PCDHA1: variants seen among roughly 807,000 people sequenced by gnomAD.
PCDHA1 encodes protocadherin alpha 1.
A neutral mutation model predicts 61.3 loss-of-function variants in PCDHA1; 42 were observed. The ratio of observed to expected loss-of-function variants is 0.69; its 90% CI spans 0.54 to 0.89. The LOEUF (loss-of-function observed/expected upper bound fraction) is 0.89. Among genes scored for constraint, PCDHA1 ranks in the 40% least tolerant of loss-of-function variants. The probability of loss-of-function intolerance (pLI) is 0.00; values close to 1 mark genes in which losing one functional copy is unlikely to be tolerated. For missense variants in PCDHA1, 1,256 were observed against 1,235.3 expected, an observed-to-expected ratio of 1.02 and a Z score of -0.25; for synonymous variants, 610 against 553.8, an observed-to-expected ratio of 1.10 and a Z score of -1.43.
At position 140,856,042 on chromosome 5, in the gene PCDHA1, G is replaced by A. The variant is rs149114226; in HGVS notation, c.2394+67358G>A. On this transcript the variant is annotated intron_variant, in intron 1 of 3. Transcript: ENST00000504120. ...TTCGTCGATTTGTAAAACAAGAGAA[G>A]GATAAGATGGTTTCCAGATGTAGCT... 68 of 1,579,466 alleles carry A rather than the reference G, an allele frequency of 4.3e-5. 8 individuals carry two copies. The Admixed American group carries it at 1.1e-3, about 26-fold the overall frequency.
rs2150184888 is a variant in PCDHA1, at chr5:140,830,320, C to G, written c.2394+41636C>G. 31 of 1,613,872 alleles carry G rather than the reference C, an allele frequency of 1.9e-5. No homozygotes were observed. The African/African-American group carries it at 2.7e-4, about 14-fold the overall frequency. ...ACAAGCCCACGCTGGTGTGCTCCAGCGCAGTGGGGAGCTGGTCGTACTCGC... is the reference window on the plus strand; with the variant it reads ...ACAAGCCCACGCTGGTGTGCTCCAGGGCAGTGGGGAGCTGGTCGTACTCGC... On this transcript the variant is annotated intron_variant, in intron 1 of 3. Transcript: ENST00000504120.
intron 1 of PCDHA1, chr5:140,856,941 C>G: frequency 6.3e-7 from 1 of 1,592,588 alleles, no homozygotes; most frequent in Non-Finnish European, 8.6e-7. Context: ...AACGAAAGGA[C>G]GGGAGAAATA....
At chr5:140,999,114 T>C (rs2097847387) in intron 3 of PCDHA1, among the ~76,000 whole-genome samples, 2 of 152,180 alleles carry the variant, frequency 1.3e-5, no homozygotes, top group Non-Finnish European at 2.9e-5. Context: ...CTAGCAACCA[T>C]TTCTAAGCTG....
At chr5:140,812,147 T>TTTGTTGTTGTTGTTGTTGTTGTTG (rs70988777) in intron 1 of PCDHA1, 1 of 150,790 alleles carries the variant, frequency 6.6e-6, no homozygotes, top group African/African-American at 2.4e-5. Flanking sequence ...GTTTTGGGCT[T>TTTGTTGTTGTTGTTGTTGTTGTTG]TTGTTGTTGT....
At chr5:140,999,173 T>G (rs892201477) in intron 3 of PCDHA1, among the ~76,000 whole-genome samples, 20 of 152,158 alleles carry the variant, frequency 1.3e-4, no homozygotes, top group African/African-American at 4.3e-4. Context: ...GAAAAGAGCC[T>G]GATGGGGAGA....
intron 3 of PCDHA1, among the ~76,000 whole-genome samples, chr5:141,000,411 A>T (rs2097918603): frequency 1.1e-5 from 1 of 94,870 alleles, no homozygotes; most frequent in African/African-American, 4.4e-5. Flanking sequence ...ATATATATAT[A>T]TATATATATA....
At chr5:140,858,322 T>C in intron 1 of PCDHA1, 2 of 1,596,852 alleles carry the variant, frequency 1.3e-6, no homozygotes, top group South Asian at 2.2e-5. Flanking sequence ...GGGTGTGTTC[T>C]GGGGAGGGCC....
chr5:140,827,582 C>A (rs1466478514), intron 1 of PCDHA1, among the ~76,000 whole-genome samples: 2 of 152,094 alleles, frequency 1.3e-5, no homozygotes, highest in African/African-American at 4.8e-5. Context: ...ATAGCATGTC[C>A]TAGGAAAGAC....
chr5:140,978,842 T>A, intron 1 of PCDHA1, 107 bp from the exon 2 acceptor site: 1 of 1,564,670 alleles, frequency 6.4e-7, no homozygotes, highest in East Asian at 2.3e-5. Flanking sequence ...TTCAATACTT[T>A]TTTAGATGCC....
rs781898406 is a variant in PCDHA1 at position 140,788,658 on chromosome 5, GAAGC to G, written c.2371_2374del (p.Ala791IlefsTer21). On this transcript the variant is annotated frameshift_variant, in exon 1 of 4. Coordinates refer to ENST00000504120, the MANE Select transcript of PCDHA1 (RefSeq NM_018900.4). LOFTEE classifies it high-confidence loss of function. ...CACGTCAGAAAGAAATGAACAACCA[GAAGC>G]AAATTTGGATCTTTCTGGTAATGTA... 3 of 1,578,642 alleles carry G rather than the reference GAAGC, an allele frequency of 1.9e-6. No homozygotes were observed. The South Asian group carries it at 3.5e-5, about 18-fold the overall frequency.
intron 1 of PCDHA1, chr5:140,828,462 G>C: frequency 1.9e-6 from 3 of 1,614,208 alleles, no homozygotes; most frequent in Non-Finnish European, 2.5e-6. Context: ...GTGGAGGTGA[G>C]GGACATTAAC....
At chr5:140,803,157 C>A (rs781969076) in intron 1 of PCDHA1, 1 of 1,613,868 alleles carries the variant, frequency 6.2e-7, no homozygotes, top group Non-Finnish European at 8.5e-7. Context: ...GGTGAAGGAC[C>A]ACGGTGAACC....
intron 1 of PCDHA1, among the ~76,000 whole-genome samples, chr5:140,800,443 A>G (rs1762554001): frequency 1.3e-5 from 2 of 152,234 alleles, no homozygotes; most frequent in Non-Finnish European, 2.9e-5. Flanking sequence ...CTGTAATAAC[A>G]TAAAAGTAGA....
chr5:140,959,382 A>C (rs1332960560), intron 1 of PCDHA1, among the ~76,000 whole-genome samples: 1 of 152,200 alleles, frequency 6.6e-6, no homozygotes, highest in African/African-American at 2.4e-5. Flanking sequence ...TCAAAAAAAA[A>C]AGTCACAAAT....
At chr5:140,819,426 A>G (rs1766555129) in intron 1 of PCDHA1, among the ~76,000 whole-genome samples, 1 of 152,182 alleles carries the variant, frequency 6.6e-6, no homozygotes, top group Non-Finnish European at 1.5e-5. Context: ...TATACTACAC[A>G]GTTTTAAATC....
At chr5:140,935,234 T>C (rs1160112983) in intron 1 of PCDHA1, among the ~76,000 whole-genome samples, 8 of 152,190 alleles carry the variant, frequency 5.3e-5, no homozygotes, top group Non-Finnish European at 1.2e-4. Context: ...GGATGTCTAT[T>C]TTTTAAAAGA....
At chr5:140,824,998 G>C (rs2150137892) in intron 1 of PCDHA1, 3 of 151,664 alleles carry the variant, frequency 2.0e-5, no homozygotes, top group Admixed American at 1.3e-4. Context: ...ACATATACAT[G>C]GTTTACTGTT....
intron 3 of PCDHA1, among the ~76,000 whole-genome samples, chr5:141,004,550 G>A (rs1554259606): frequency 6.6e-6 from 1 of 152,222 alleles, no homozygotes; most frequent in African/African-American, 2.4e-5. Flanking sequence ...TCCTTTAACT[G>A]TGCAAGATGA....
chr5:140,969,305 A>C (rs1481597194), intron 1 of PCDHA1: 1 of 1,614,206 alleles, frequency 6.2e-7, no homozygotes, highest in East Asian at 2.2e-5. Flanking sequence ...GATTATTCTC[A>C]AAAATGAGGC....
Sources: gnomAD v4.1 joint callset for allele counts (sites outside exome capture counted in the v4.1 genomes callset) on GRCh38, gnomAD v4.1.1 for gene constraint, MANE v1.5 for transcripts, NCBI Gene and HGNC (gene_info 2026-07-23, HGNC 2026-07-21) for gene names.